CCDC3: variants seen among roughly 807,000 people sequenced by gnomAD.
The protein encoded by CCDC3 is coiled-coil domain-containing protein 3.
Under a neutral mutation model 21.4 loss-of-function variants are expected in CCDC3, and 24 were observed. The ratio of observed to expected loss-of-function variants is 1.12; its 90% confidence interval spans 0.81 to 1.58. CCDC3 has a LOEUF of 1.58. CCDC3 is among the 40% of genes most tolerant of loss of function. The pLI is 0.00. For missense variants in CCDC3, 425 were observed against 360.9 expected, an observed-to-expected ratio of 1.18 and a Z score of -1.44; for synonymous variants, 186 against 166.0, an observed-to-expected ratio of 1.12 and a Z score of -0.93.
intron 2 of CCDC3, among the ~76,000 whole-genome samples, chr10:12,942,005 T>C (rs1025832433): frequency 6.6e-6 from 1 of 152,230 alleles, no homozygotes; most frequent in Non-Finnish European, 1.5e-5. Flanking sequence ...GGCCTTTACC[T>C]ATACCCTTCT....
At chr10:12,903,194 T>C (rs996563458) in intron 2 of CCDC3, among the ~76,000 whole-genome samples, 1 of 152,170 alleles carries the variant, frequency 6.6e-6, no homozygotes, top group Non-Finnish European at 1.5e-5. Context: ...AGGGGGAGCC[T>C]GTGTCATGTG....
chr10:12,934,679 C>G (rs1024876127), intron 2 of CCDC3, among the ~76,000 whole-genome samples: 38 of 152,218 alleles, frequency 2.5e-4, no homozygotes, highest in Admixed American at 7.8e-4. Context: ...AGTAGTAACC[C>G]CATTATTACA....
chr10:13,088,325 A>C (rs561547272), intron 3 of CCDC3, among the ~76,000 whole-genome samples: 11 of 152,360 alleles, frequency 7.2e-5, no homozygotes, highest in African/African-American at 2.6e-4. Flanking sequence ...GATAGAAAGA[A>C]TCTAATTCTA....
At chr10:13,046,702 C>T (rs376432059) in intron 5 of CCDC3, among the ~76,000 whole-genome samples, 16 of 50,594 alleles carry the variant, frequency 3.2e-4, no homozygotes, top group African/African-American at 5.2e-4. Flanking sequence ...AGCGAAACTC[C>T]GTCTCAAAAA....
chr10:12,965,936 G>A (rs2580907), intron 2 of CCDC3, among the ~76,000 whole-genome samples: 131,130 of 152,176 alleles, frequency 0.86, 57,699 homozygotes, highest in East Asian at 1. Flanking sequence ...ATTGAGTCTT[G>A]TGAAAGTGAA....
intron 2 of CCDC3, among the ~76,000 whole-genome samples, chr10:12,918,172 G>A (rs528861767): frequency 1.7e-3 from 264 of 152,114 alleles, no homozygotes; most frequent in African/African-American, 5.9e-3. Context: ...AGGTCTGATC[G>A]GACCCACCTT....
At chr10:12,917,262 C>T (rs545752175) in intron 2 of CCDC3, among the ~76,000 whole-genome samples, 17 of 139,932 alleles carry the variant, frequency 1.2e-4, no homozygotes, top group South Asian at 9.4e-4. Flanking sequence ...GGCGCTATCT[C>T]GGCTCACTGC....
intron 4 of CCDC3, among the ~76,000 whole-genome samples, chr10:13,060,485 A>G (rs1836743007): frequency 6.6e-6 from 1 of 152,150 alleles, no homozygotes; most frequent in African/African-American, 2.4e-5. Flanking sequence ...CCCAAGGCCA[A>G]AGGAAAACAG....
intron 2 of CCDC3, among the ~76,000 whole-genome samples, chr10:12,967,594 G>A (rs7921900): frequency 0.1 from 15,499 of 152,098 alleles, 1,218 homozygotes; most frequent in African/African-American, 0.22. Flanking sequence ...CTCAAAGACA[G>A]GTTATTTGAA....
intron 5 of CCDC3, among the ~76,000 whole-genome samples, chr10:13,042,036 C>A (rs1422767563): frequency 6.6e-6 from 1 of 152,214 alleles, no homozygotes; most frequent in African/African-American, 2.4e-5. Context: ...ATCCCAGACG[C>A]TTTGGCCTCT....
In CCDC3 at chr10:13,079,815, G is replaced by A. The variant is rs75537736; in HGVS notation, c.-502-5715C>T. 8.9e-3 allele frequency among the ~76,000 whole-genome samples: 1,358 copies of A among 152,238 alleles called. 12 individuals are homozygous for A. Among genetic ancestry groups the A allele is most frequent in the Non-Finnish European group, 0.015 (1,023 of 68,036 alleles). On this transcript the variant is annotated intron_variant, in intron 3 of 6. Coordinates refer to the CCDC3 transcript ENST00000378839. ...GGGGAGGAGAAGAGAGAGCAGCAGC[G>A]TGGGTGGCTGGCAGAGGCAGGGAAG...
At chr10:13,060,817 T>A (rs1836748231) in intron 4 of CCDC3, among the ~76,000 whole-genome samples, 1 of 152,166 alleles carries the variant, frequency 6.6e-6, no homozygotes, top group African/African-American at 2.4e-5. Flanking sequence ...TCAAATTTTG[T>A]TTCTAAAGGC....
Position 12,948,728 on chromosome 10 carries a change from G to GTTTTTTT in CCDC3, c.549+49603_549+49609dup, listed in dbSNP as rs72323989. Among the ~76,000 whole-genome samples, 36 of 91,074 alleles carry GTTTTTTT rather than the reference G, an allele frequency of 4.0e-4. 1 individual carries two copies. The highest frequency in any genetic ancestry group is 4.2e-4 in the Non-Finnish European group (21 of 50,406). 59.7% of individuals were successfully genotyped at this position (91,074 alleles called of 152,430 possible). On this transcript the variant is annotated intron_variant, in intron 2 of 2. Transcript: ENST00000378825. Reference sequence around the variant, plus strand: ...AATTTAAGTCCTCATTTTTAAGGCAGTTTTTTTTTTTTTTTTTTTTTTGAG... The same window carrying GTTTTTTT: ...AATTTAAGTCCTCATTTTTAAGGCAGTTTTTTTTTTTTTTTTTTTTTTTTTTTTTGAG...
chr10:13,001,141 ACCT>A, intron 1 of CCDC3, 53 bp downstream of exon 1: 2 of 1,517,164 alleles, frequency 1.3e-6, no homozygotes, highest in South Asian at 2.5e-5. Flanking sequence ...GGTAACGGCG[ACCT>A]CGGGAGGTGG....
intron 2 of CCDC3, among the ~76,000 whole-genome samples, chr10:12,985,067 A>AT (rs1452807964): frequency 6.6e-6 from 1 of 152,156 alleles, no homozygotes; most frequent in East Asian, 1.9e-4. Flanking sequence ...ATAGCTATAG[A>AT]TTTTTTTTAC....
intron 2 of CCDC3, among the ~76,000 whole-genome samples, chr10:12,957,087 G>C (rs910111905): frequency 6.6e-6 from 1 of 152,158 alleles, no homozygotes; most frequent in Admixed American, 6.6e-5. Flanking sequence ...CATCAGAAAG[G>C]ACAAGGGCTC....
At chr10:13,075,640 T>C (rs1004423910) in intron 3 of CCDC3, among the ~76,000 whole-genome samples, 5 of 152,324 alleles carry the variant, frequency 3.3e-5, no homozygotes, top group Non-Finnish European at 5.9e-5. Flanking sequence ...CTTTGCATTA[T>C]AGATTCTCCA....
At chr10:12,912,481 G>C (rs899984827) in intron 2 of CCDC3, among the ~76,000 whole-genome samples, 1 of 152,084 alleles carries the variant, frequency 6.6e-6, no homozygotes, top group African/African-American at 2.4e-5. Flanking sequence ...TGGCTTTCTT[G>C]CTGTTGGGTG....
chr10:12,982,041 G>C (rs1835505847), intron 2 of CCDC3, among the ~76,000 whole-genome samples: 1 of 134,650 alleles, frequency 7.4e-6, no homozygotes, highest in African/African-American at 2.7e-5. Flanking sequence ...AGAATTGCTT[G>C]AACTCGGGAG....
Sources: gnomAD v4.1 joint callset for allele counts (sites outside exome capture counted in the v4.1 genomes callset) on GRCh38, gnomAD v4.1.1 for gene constraint, MANE v1.5 for transcripts, NCBI Gene and HGNC (gene_info 2026-07-23, HGNC 2026-07-21) for gene names.